Variants in UBA2 observed in about 807,000 individuals in gnomAD.
UBA2 encodes the protein ubiquitin like modifier activating enzyme 2, also known as SUMO-activating enzyme subunit 2.
In UBA2, 11 loss-of-function variants were observed where a neutral mutation model predicts 77.2. The ratio of observed to expected loss-of-function variants is 0.14; its 90% CI spans 0.09 to 0.24. The LOEUF (loss-of-function observed/expected upper bound fraction) is 0.24, where lower values mean the gene tolerates loss of function less well. UBA2 is among the 10% of genes least tolerant of loss of function. The pLI, the probability that UBA2 is intolerant of heterozygous loss-of-function variation, is 1.00. For missense variants in UBA2, 487 were observed against 781.7 expected, an observed-to-expected ratio of 0.62 and a Z score of 4.50; for synonymous variants, 278 against 276.7, an observed-to-expected ratio of 1.00 and a Z score of -0.05.
chr19:34,430,527 C>G (rs1418271249), intron 1 of UBA2, 49 bp from the exon 2 acceptor site: 1 of 1,435,864 alleles, frequency 7.0e-7, no homozygotes, highest in Non-Finnish European at 9.8e-7. Flanking sequence ...TGATACAGCT[C>G]AAACATACGT....
At chr19:34,461,702 T>C (rs183532290) in intron 14 of UBA2, among the ~76,000 whole-genome samples, 1 of 152,150 alleles carries the variant, frequency 6.6e-6, no homozygotes, top group Non-Finnish European at 1.5e-5. Flanking sequence ...AGGCATAGTT[T>C]TGGGTATTCA....
At chr19:34,461,930 G>A (rs149656152) in intron 14 of UBA2, among the ~76,000 whole-genome samples, 9 of 152,290 alleles carry the variant, frequency 5.9e-5, no homozygotes, top group South Asian at 2.1e-4. Flanking sequence ...GTAGTAGTGA[G>A]GACTCCCTGG....
At chr19:34,431,678 AT>A (rs774510935) in intron 2 of UBA2, among the ~76,000 whole-genome samples, 182 bp from the exon 3 acceptor site, 9 of 152,118 alleles carry the variant, frequency 5.9e-5, no homozygotes, top group East Asian at 5.8e-4. Context: ...TTTTATAAGT[AT>A]AAAAGTATAA....
intron 2 of UBA2, among the ~76,000 whole-genome samples, chr19:34,431,629 T>A (rs1373305935): frequency 2.0e-5 from 3 of 152,150 alleles, no homozygotes. Flanking sequence ...TGTAGAAGTG[T>A]GTTTGGTGGT....
At chr19:34,433,020 T>C (rs1367736921) in intron 3 of UBA2, among the ~76,000 whole-genome samples, 1 of 152,172 alleles carries the variant, frequency 6.6e-6, no homozygotes, top group African/African-American at 2.4e-5. Context: ...GCCAGGCAGA[T>C]CCTGGGAATG....
In UBA2 at chr19:34,451,845, C is replaced by T. The variant is rs2075502523; in HGVS notation, c.872-136C>T. 1.2e-5 allele frequency: 6 copies of T among 497,118 alleles called. No individual in the cohort carries two copies. The East Asian group carries it at 1.8e-4, about 15-fold the overall frequency. 30.8% of individuals were successfully genotyped at this position (497,118 alleles called of 1,614,324 possible). ...ACAGGCGTGAGCCACCGTGCCTGGCCCCATGATAATTATTTTAATGGAATT... is the reference window on the plus strand; with the variant it reads ...ACAGGCGTGAGCCACCGTGCCTGGCTCCATGATAATTATTTTAATGGAATT... On this transcript the variant is annotated intron_variant, in intron 9 of 16. Transcript: ENST00000246548.
Position 34,469,243 on chromosome 19 carries a change from A to G in UBA2, c.*22A>G, listed in dbSNP as rs780462629. On this transcript the variant is annotated 3_prime_UTR_variant, in exon 17 of 17. Coordinates refer to ENST00000246548, the MANE Select transcript of UBA2 (RefSeq NM_005499.3). ...TTGAACAGAAATGCCTCTAAACAGA[A>G]CCCTCTTACTATTTAGTTTATCTGG... 1 of 1,527,632 alleles carries G rather than the reference A, an allele frequency of 6.5e-7. No individual in the cohort carries two copies. Among genetic ancestry groups the G allele is most frequent in the Non-Finnish European group, 8.8e-7 (1 of 1,142,448 alleles). The allele number at this position is 1,527,632 out of a possible 1,614,324, so 94.6% of individuals were successfully genotyped here. A position where few individuals can be genotyped will look rare whatever the true frequency, so the allele number is the denominator to read the frequency against.
At chr19:34,431,349 C>G (rs2145487289) in intron 2 of UBA2, among the ~76,000 whole-genome samples, 1 of 147,442 alleles carries the variant, frequency 6.8e-6, no homozygotes, top group Non-Finnish European at 1.5e-5. Flanking sequence ...AACTCCTGGC[C>G]TCAAGGGATC....
chr19:34,466,188 T>C (rs1369877878), intron 15 of UBA2, among the ~76,000 whole-genome samples: 2 of 151,752 alleles, frequency 1.3e-5, no homozygotes, highest in African/African-American at 4.8e-5. Context: ...ACAAAAAAAT[T>C]AGCCAGGTGT....
At chr19:34,433,226 A>G (rs1034406083) in intron 3 of UBA2, 122 bp from the exon 4 acceptor site, 1 of 692,434 alleles carries the variant, frequency 1.4e-6, no homozygotes, top group African/African-American at 1.8e-5. Flanking sequence ...TCTATATGAC[A>G]TATAATCCTG....
At chr19:34,445,966 T>A (rs2145522735) in intron 8 of UBA2, among the ~76,000 whole-genome samples, 1 of 152,344 alleles carries the variant, frequency 6.6e-6, no homozygotes, top group South Asian at 2.1e-4. Context: ...TTTTAAAAGT[T>A]TTTTTGTTCT....
At chr19:34,467,311 GAA>G (rs928308950) in intron 16 of UBA2, among the ~76,000 whole-genome samples, 13 of 145,298 alleles carry the variant, frequency 8.9e-5, no homozygotes, top group Non-Finnish European at 9.1e-5. Flanking sequence ...TCTCTACAAA[GAA>G]AAAAAAAAAT....
At chr19:34,440,047 A>T (rs536459951) in intron 6 of UBA2, among the ~76,000 whole-genome samples, 1 of 152,012 alleles carries the variant, frequency 6.6e-6, no homozygotes, top group East Asian at 2.0e-4. Context: ...CTAAGTGCCC[A>T]GTGCGGTGGC....
rs553215500 is a variant in UBA2, at chr19:34,434,543, G to A, written c.359-325G>A. Reference sequence around the variant, plus strand: ...ATTATCTGCTAGTTATATTAGAATAGTGGTGAGTTTAGGAACACCTTGAAA... The same window carrying A: ...ATTATCTGCTAGTTATATTAGAATAATGGTGAGTTTAGGAACACCTTGAAA... On this transcript the variant is annotated intron_variant, in intron 4 of 16. Coordinates refer to ENST00000246548, the MANE Select transcript of UBA2 (RefSeq NM_005499.3). 2.6e-5 allele frequency among the ~76,000 whole-genome samples: 4 copies of A among 152,286 alleles called. No homozygotes were observed. The South Asian group carries it at 8.3e-4, about 32-fold the overall frequency.
intron 10 of UBA2, among the ~76,000 whole-genome samples, chr19:34,452,366 G>A (rs1239661333): frequency 6.6e-6 from 1 of 152,190 alleles, no homozygotes; most frequent in Non-Finnish European, 1.5e-5. Flanking sequence ...TTCTAGTGAT[G>A]TGTTCAGGGT....
chr19:34,445,331 A>G (rs1346551192), intron 8 of UBA2, among the ~76,000 whole-genome samples: 1 of 152,154 alleles, frequency 6.6e-6, no homozygotes, highest in Non-Finnish European at 1.5e-5. Flanking sequence ...TATAACATCT[A>G]AATAGGAGGT....
chr19:34,467,232 C>A, intron 16 of UBA2: 1 of 495,430 alleles, frequency 2.0e-6, no homozygotes, highest in Non-Finnish European at 3.5e-6. Context: ...CTTTGAGAGG[C>A]CAAGATGGGA....
intron 12 of UBA2, among the ~76,000 whole-genome samples, chr19:34,458,037 G>A (rs1200116831): frequency 1.3e-5 from 2 of 152,118 alleles, no homozygotes; most frequent in East Asian, 1.9e-4. Context: ...AGGCACTATC[G>A]TTAACTGGAG....
intron 15 of UBA2, among the ~76,000 whole-genome samples, chr19:34,466,042 G>T (rs1387971409): frequency 6.6e-6 from 1 of 151,956 alleles, no homozygotes; most frequent in Admixed American, 6.6e-5. Context: ...CTATAGTTAA[G>T]ATCACATTGT....
Sources: allele counts gnomAD v4.1 joint callset (sites outside exome capture counted in the v4.1 genomes callset), GRCh38; gene constraint gnomAD v4.1.1; transcripts MANE v1.5; gene names NCBI Gene and HGNC (gene_info 2026-07-23, HGNC 2026-07-21).